The following KLF12 variants were observed in gnomAD, a reference collection of about 807,000 sequenced individuals.
KLF12 encodes KLF transcription factor 12, also known as Krueppel-like factor 12.
Under a neutral mutation model 37.8 loss-of-function variants are expected in KLF12, and 9 were observed. The observed-to-expected ratio is 0.24, with a 90% CI of 0.14 to 0.42. KLF12 has a LOEUF of 0.42. KLF12 is among the 10% of genes least tolerant of loss of function. The pLI, the probability that KLF12 is intolerant of heterozygous loss-of-function variation, is 1.00. For missense variants in KLF12, 411 were observed against 516.0 expected (o/e 0.80, Z 1.97); for synonymous variants, 208 against 202.1 (o/e 1.03, Z -0.25).
chr13:73,905,407 C>T (rs1318922266), intron 3 of KLF12, among the ~76,000 whole-genome samples: 1 of 150,334 alleles, frequency 6.7e-6, no homozygotes, highest in Non-Finnish European at 1.5e-5. Context: ...AAATTAATCA[C>T]CTAGGCAAGT....
At chr13:74,233,091 G>A in the KLF12 span, among the ~76,000 whole-genome samples, 2 of 152,232 alleles carry the variant, frequency 1.3e-5, no homozygotes, top group South Asian at 4.2e-4. Flanking sequence ...CACCATGTTA[G>A]CCAGGATGGT....
At chr13:74,254,639 C>T in the KLF12 span, among the ~76,000 whole-genome samples, 1 of 152,130 alleles carries the variant, frequency 6.6e-6, no homozygotes, top group Non-Finnish European at 1.5e-5. Flanking sequence ...CTCAACTGTG[C>T]TTCTAAGGTG....
rs535179633 is a variant in KLF12, at chr13:74,001,190, T to C, written c.-31-6137A>G. Reference sequence around the variant, plus strand: ...TCTTAATCCCATCTATCAGGAGGCATTTTTAACTATCATGCTGAAGATGTT... The same window carrying C: ...TCTTAATCCCATCTATCAGGAGGCACTTTTAACTATCATGCTGAAGATGTT... On this transcript the variant is annotated intron_variant, in intron 1 of 7. Coordinates refer to ENST00000377669, the MANE Select transcript of KLF12 (RefSeq NM_007249.5). Among the ~76,000 whole-genome samples the C allele has an allele frequency of 1.1e-3, 172 of 152,338 alleles. 1 individual carries two copies. Among genetic ancestry groups the C allele is most frequent in the African/African-American group, 3.8e-3 (160 of 41,578 alleles).
rs187933723 is a variant in KLF12, at chr13:73,952,028, G to T, written c.34-7958C>A. The stretch of plus-strand genomic sequence containing the variant: ...GAGATAAGCTTGTTGTTGACAGATG[G>T]GATGAGCATAGGCAAAATCTTAAAG... On this transcript the variant is annotated intron_variant, in intron 2 of 7. Coordinates refer to ENST00000377669, the MANE Select transcript of KLF12 (RefSeq NM_007249.5). Among the ~76,000 whole-genome samples the T allele has an allele frequency of 3.3e-5, 5 of 152,286 alleles. No homozygotes were observed. In the East Asian group the frequency reaches 9.6e-4, roughly 29 times the overall value.
chr13:73,810,508 T>C (rs1033914324), intron 5 of KLF12, among the ~76,000 whole-genome samples: 1 of 152,074 alleles, frequency 6.6e-6, no homozygotes, highest in Non-Finnish European at 1.5e-5. Context: ...GACCTTTTGA[T>C]CCACCCACCT....
chr13:74,208,498 G>A, the KLF12 span, among the ~76,000 whole-genome samples: 1 of 152,094 alleles, frequency 6.6e-6, no homozygotes, highest in Admixed American at 6.6e-5. Flanking sequence ...AATATTTTTG[G>A]AAATGATATT....
intron 3 of KLF12, among the ~76,000 whole-genome samples, chr13:73,937,104 C>T (rs564720788): frequency 5.3e-5 from 8 of 152,038 alleles, no homozygotes; most frequent in African/African-American, 1.7e-4. Context: ...GCAGGAGAAT[C>T]GCTTGAACCC....
intron 1 of KLF12, among the ~76,000 whole-genome samples, chr13:74,072,632 G>C (rs1011919060): frequency 4.7e-5 from 7 of 149,270 alleles, no homozygotes; most frequent in Non-Finnish European, 1.0e-4. Context: ...CTACCTGGGA[G>C]GCTGAGGCAG....
the KLF12 span, among the ~76,000 whole-genome samples, chr13:74,162,471 C>T: frequency 1.3e-5 from 2 of 152,194 alleles, no homozygotes; most frequent in African/African-American, 4.8e-5. Flanking sequence ...TTTGGGGGTT[C>T]CCTGTGCCTT....
the KLF12 span, among the ~76,000 whole-genome samples, chr13:74,288,401 G>A: frequency 6.6e-6 from 1 of 152,132 alleles, no homozygotes; most frequent in Non-Finnish European, 1.5e-5. Flanking sequence ...GCGAGGTAAC[G>A]GGGTAAAACA....
the KLF12 span, among the ~76,000 whole-genome samples, chr13:74,248,178 C>T: frequency 7.4e-3 from 1,127 of 152,204 alleles, 15 homozygotes; most frequent in African/African-American, 0.024. Context: ...TTTGTACATC[C>T]GTTTGTCAGT....
At chr13:73,976,964 A>G (rs2138148955) in intron 2 of KLF12, among the ~76,000 whole-genome samples, 1 of 152,270 alleles carries the variant, frequency 6.6e-6, no homozygotes, top group East Asian at 1.9e-4. Flanking sequence ...AAAAATCAGT[A>G]AGGTCGCAGA....
At chr13:74,047,928 G>T (rs891064972) in intron 1 of KLF12, among the ~76,000 whole-genome samples, 2 of 152,174 alleles carry the variant, frequency 1.3e-5, no homozygotes, top group East Asian at 1.9e-4. Context: ...TCTATTTCTC[G>T]CATTCCAAGT....
intron 3 of KLF12, among the ~76,000 whole-genome samples, chr13:73,866,312 G>T (rs530163913): frequency 1.3e-5 from 2 of 152,268 alleles, no homozygotes; most frequent in African/African-American, 2.4e-5. Context: ...TATTACATGT[G>T]TGTAATTGGA....
At chr13:74,267,183 C>G in the KLF12 span, among the ~76,000 whole-genome samples, 17 of 152,154 alleles carry the variant, frequency 1.1e-4, 1 homozygote, top group Admixed American at 1.1e-3. Context: ...ATCCTAATCC[C>G]CAGAATCTGT....
chr13:73,761,510 C>T (rs748296490), intron 6 of KLF12, among the ~76,000 whole-genome samples: 9 of 152,160 alleles, frequency 5.9e-5, no homozygotes, highest in Non-Finnish European at 1.3e-4. Context: ...CCATTAGTTT[C>T]TCCCGCTTAT....
intron 3 of KLF12, among the ~76,000 whole-genome samples, chr13:73,888,806 C>T (rs1429360502): frequency 6.6e-6 from 1 of 152,158 alleles, no homozygotes; most frequent in Non-Finnish European, 1.5e-5. Flanking sequence ...TGATTCTTTG[C>T]TCTATCTGCC....
the KLF12 span, among the ~76,000 whole-genome samples, chr13:74,181,852 G>A: frequency 5.9e-5 from 9 of 152,006 alleles, no homozygotes; most frequent in African/African-American, 2.2e-4. Flanking sequence ...ATATGAATTT[G>A]GTATTAGATG....
the KLF12 span, among the ~76,000 whole-genome samples, chr13:74,142,528 A>T: frequency 1.3e-5 from 2 of 152,200 alleles, no homozygotes; most frequent in African/African-American, 4.8e-5. Flanking sequence ...TGAACAACTA[A>T]TGAGGTCTTC....
Sources: allele counts gnomAD v4.1 joint callset (sites outside exome capture counted in the v4.1 genomes callset), GRCh38; gene constraint gnomAD v4.1.1; transcripts MANE v1.5; gene names NCBI Gene and HGNC (gene_info 2026-07-23, HGNC 2026-07-21).